RNF24: variants seen among roughly 807,000 people sequenced by gnomAD.
The protein encoded by RNF24 is ring finger protein 24.
A neutral mutation model predicts 20.0 loss-of-function variants in RNF24; 14 were observed. The observed-to-expected ratio is 0.70, with a 90% CI of 0.46 to 1.10. RNF24 has a LOEUF of 1.10. RNF24 is among the 50% of genes least tolerant of loss of function. The pLI is 0.00. For missense variants in RNF24, 124 were observed against 177.6 expected (o/e 0.70, Z 1.71); for synonymous variants, 45 against 61.1 (o/e 0.74, Z 1.23).
intron 1 of RNF24, among the ~76,000 whole-genome samples, chr20:3,982,382 C>T (rs1347702438): frequency 6.7e-6 from 1 of 148,256 alleles, no homozygotes. Context: ...TCGAAAGCAG[C>T]CTGGCCAACA....
chr20:3,966,480 G>T (rs1346078713), intron 1 of RNF24, among the ~76,000 whole-genome samples: 1 of 150,460 alleles, frequency 6.6e-6, no homozygotes, highest in African/African-American at 2.5e-5. Flanking sequence ...GTGTGTGTGT[G>T]TGTGTGTGTG....
intron 1 of RNF24, among the ~76,000 whole-genome samples, chr20:3,982,469 C>G (rs997540881): frequency 6.7e-6 from 1 of 149,238 alleles, no homozygotes; most frequent in Admixed American, 6.7e-5. Flanking sequence ...CCCAGCTACT[C>G]GGGAGGTTGA....
At chr20:3,977,800 CTTGCAGCGAGCAGAGA>C (rs1018049031) in intron 1 of RNF24, among the ~76,000 whole-genome samples, 1 of 147,686 alleles carries the variant, frequency 6.8e-6, no homozygotes, top group Admixed American at 6.8e-5. Context: ...AGAGGCAGAG[CTTGCAGCGAGCAGAGA>C]TTGCGCCACT....
intron 1 of RNF24, among the ~76,000 whole-genome samples, chr20:3,967,530 G>A (rs1321365453): frequency 6.6e-6 from 1 of 152,132 alleles, no homozygotes; most frequent in South Asian, 2.1e-4. Context: ...GATTACTTGA[G>A]ATTTGGATGC....
chr20:3,959,852 C>T (rs1023033065), intron 2 of RNF24, among the ~76,000 whole-genome samples: 2 of 152,174 alleles, frequency 1.3e-5, no homozygotes, highest in African/African-American at 4.8e-5. Context: ...AAATACTTAT[C>T]GAGTGCTTAA....
At chr20:4,009,766 T>C (rs995574236) in intron 1 of RNF24, among the ~76,000 whole-genome samples, 10 of 152,072 alleles carry the variant, frequency 6.6e-5, no homozygotes, top group African/African-American at 2.2e-4. Context: ...AGTTCTCTTG[T>C]AATATCCAGC....
intron 1 of RNF24, among the ~76,000 whole-genome samples, chr20:4,001,942 C>G: frequency 6.6e-6 from 1 of 150,980 alleles, no homozygotes; most frequent in Non-Finnish European, 1.5e-5. Context: ...GAGACCCTGC[C>G]TCTTAAAAAA....
Position 3,969,776 on chromosome 20 carries a change from T to G in RNF24, c.-7-5752A>C, listed in dbSNP as rs74273234. ...GCCAAGTAGGAAGCTGAAATCTGTT[T>G]TTTTTTTTTTTTTGAGATGGCGTCT... On this transcript the variant is annotated intron_variant, in intron 1 of 5. Coordinates refer to ENST00000358395, the MANE Select transcript of RNF24 (RefSeq NM_001134337.3). Among the ~76,000 whole-genome samples, 383 of 150,070 alleles carry G rather than the reference T, an allele frequency of 2.6e-3. 13 individuals carry two copies. In the East Asian group the frequency reaches 0.065, roughly 26 times the overall value.
chr20:3,983,572 A>ATC (rs1979613642), intron 1 of RNF24, among the ~76,000 whole-genome samples: 1 of 152,174 alleles, frequency 6.6e-6, no homozygotes, highest in Admixed American at 6.5e-5. Context: ...TAGCTGCAAA[A>ATC]TATACACTAA....
intron 1 of RNF24, among the ~76,000 whole-genome samples, chr20:3,970,453 C>T (rs928486005): frequency 6.6e-6 from 1 of 151,958 alleles, no homozygotes; most frequent in Non-Finnish European, 1.5e-5. Context: ...CTCATCGTAC[C>T]AAGACTAGGA....
chr20:3,964,012 GC>G lies in RNF24; in HGVS notation c.5del (p.Ser2ThrfsTer45). On this transcript the variant is annotated frameshift_variant, in exon 2 of 6. Transcript: ENST00000358395. LOFTEE classifies it high-confidence loss of function. ...TGAAGTTGTAATGTGGGAAATCCGA[GC>G]TCATGGATGAACTGTGGGGGAAGAA... M[S>X]SDFPHYNFRM... The G allele has an allele frequency of 1.9e-6, 3 of 1,612,674 alleles. No individual in the cohort carries two copies. Among genetic ancestry groups the G allele is most frequent in the Non-Finnish European group, 2.5e-6 (3 of 1,179,496 alleles).
In RNF24 at chr20:3,957,277, G is replaced by A. The variant is rs188488206; in HGVS notation, c.143+6598C>T. Among the ~76,000 whole-genome samples, 204 of 151,904 alleles carry A rather than the reference G, an allele frequency of 1.3e-3. 2 individuals carry two copies. Among genetic ancestry groups the A allele is most frequent in the African/African-American group, 4.7e-3 (193 of 41,438 alleles). ...CATGCCACTGTACTCTAGCCTGGGT[G>A]ACAGAGCAAGACTGTCTCAAAAAAA... On this transcript the variant is annotated intron_variant, in intron 2 of 5. Coordinates refer to ENST00000358395, the MANE Select transcript of RNF24 (RefSeq NM_001134337.3).
At chr20:3,966,961 G>C (rs563541937) in intron 1 of RNF24, among the ~76,000 whole-genome samples, 1 of 152,266 alleles carries the variant, frequency 6.6e-6, no homozygotes, top group African/African-American at 2.4e-5. Flanking sequence ...TTACCAGAGG[G>C]ATCCAGGCTG....
intron 2 of RNF24, among the ~76,000 whole-genome samples, chr20:3,950,141 T>C (rs980206612): frequency 3.0e-5 from 4 of 132,964 alleles, no homozygotes; most frequent in African/African-American, 6.1e-5. Context: ...ATTGGTCTAT[T>C]TGCCTATCCT....
chr20:3,996,204 A>G (rs1193101142), intron 1 of RNF24, among the ~76,000 whole-genome samples: 1 of 152,186 alleles, frequency 6.6e-6, no homozygotes, highest in African/African-American at 2.4e-5. Flanking sequence ...CACTGGAAAA[A>G]TTTACACTTA....
chr20:3,935,115 T>C, intron 4 of RNF24, 42 bp from the exon 5 acceptor site: 1 of 1,567,268 alleles, frequency 6.4e-7, no homozygotes, highest in Non-Finnish European at 8.8e-7. Flanking sequence ...GTCTGTTAAG[T>C]ACCCTCCCAG....
intron 1 of RNF24, among the ~76,000 whole-genome samples, chr20:4,008,517 A>T (rs1404079315): frequency 1.7e-5 from 2 of 118,410 alleles, no homozygotes; most frequent in African/African-American, 3.3e-5. Flanking sequence ...CATATTATAT[A>T]TTATATATAT....
chr20:3,934,457 A>C lies in RNF24; in HGVS notation c.309-256T>G, dbSNP rs538319004. On this transcript the variant is annotated intron_variant, in intron 5 of 5. Coordinates refer to ENST00000358395, the MANE Select transcript of RNF24 (RefSeq NM_001134337.3). This position sits in a 1 kb window ranked among gnomAD's most constrained non-coding sequence, Gnocchi z 4.0. ...ATCTTCCACGTGTGAAGCCACAGAT[A>C]GTATGTGATACTCTCAGTTACCCAT... Among the ~76,000 whole-genome samples, 4 of 152,220 alleles carry C rather than the reference A, an allele frequency of 2.6e-5. No individual in the cohort carries two copies. Among genetic ancestry groups the C allele is most frequent in the African/African-American group, 4.8e-5 (2 of 41,458 alleles).
intron 4 of RNF24, among the ~76,000 whole-genome samples, chr20:3,943,544 CTATT>C (rs2090982128): frequency 6.6e-6 from 1 of 152,064 alleles, no homozygotes; most frequent in Non-Finnish European, 1.5e-5. Flanking sequence ...AAAAATATGG[CTATT>C]TGATTTTTGA....
Sources: allele counts gnomAD v4.1 joint callset (sites outside exome capture counted in the v4.1 genomes callset), GRCh38; gene constraint gnomAD v4.1.1; non-coding constraint Gnocchi (gnomAD v3.1); transcripts MANE v1.5; gene names NCBI Gene and HGNC (gene_info 2026-07-23, HGNC 2026-07-21).